SAMD3: variants seen among roughly 807,000 people sequenced by gnomAD.
SAMD3 encodes the protein sterile alpha motif domain containing 3.
A neutral mutation model predicts 58.5 loss-of-function variants in SAMD3; 63 were observed. That is an observed-to-expected ratio of 1.08 (90% CI 0.88 to 1.33). The LOEUF (loss-of-function observed/expected upper bound fraction) is 1.33, where lower values mean the gene tolerates loss of function less well. Ranked by LOEUF, SAMD3 falls within the 40% of genes most tolerant of loss-of-function variation. SAMD3 has a pLI of 0.00. For missense variants in SAMD3, 604 were observed against 608.4 expected (o/e 0.99, Z 0.08); for synonymous variants, 220 against 210.3 (o/e 1.05, Z -0.40).
At chr6:130,281,908 T>C (rs1774994750) in intron 2 of SAMD3, among the ~76,000 whole-genome samples, 1 of 151,168 alleles carries the variant, frequency 6.6e-6, no homozygotes, top group African/African-American at 2.4e-5. Flanking sequence ...TTCCCCATGT[T>C]AAGCTTATGC....
chr6:130,195,973 C>T (rs1225834367), intron 5 of SAMD3, among the ~76,000 whole-genome samples: 5 of 152,168 alleles, frequency 3.3e-5, no homozygotes, highest in African/African-American at 7.2e-5. Context: ...TTTCCCCACT[C>T]GTTTTTCTGT....
chr6:130,318,859 G>A (rs1403211552), intron 1 of SAMD3, among the ~76,000 whole-genome samples: 1 of 152,178 alleles, frequency 6.6e-6, no homozygotes, highest in East Asian at 1.9e-4. Context: ...TAAGCTTATT[G>A]ATAAGGTTGT....
At chr6:130,310,888 G>C (rs892079685) in intron 2 of SAMD3, among the ~76,000 whole-genome samples, 2 of 152,148 alleles carry the variant, frequency 1.3e-5, no homozygotes, top group African/African-American at 4.8e-5. Context: ...GCAATATGTT[G>C]GATTTAGTAG....
At chr6:130,162,076 C>G in intron 8 of SAMD3, 2 of 524,422 alleles carry the variant, frequency 3.8e-6, no homozygotes, top group East Asian at 3.1e-5. Context: ...GAGGAATCAG[C>G]GTAAATTAAC....
chr6:130,343,352 T>C (rs1005813779), intron 1 of SAMD3, among the ~76,000 whole-genome samples: 1 of 152,072 alleles, frequency 6.6e-6, no homozygotes, highest in African/African-American at 2.4e-5. Context: ...ACACACTTCA[T>C]TGCCAGTACA....
rs755389460 is a variant in SAMD3, at chr6:130,144,376, TAGAA to T, written c.*140_*143del. The T allele has an allele frequency of 3.2e-5, 22 of 690,362 alleles. No homozygotes were observed. The highest frequency in any genetic ancestry group is 1.6e-4 in the African/African-American group (9 of 55,506). The allele number at this position is 690,362 out of a possible 1,614,324, so 42.8% of individuals were successfully genotyped here. On this transcript the variant is annotated 3_prime_UTR_variant, in exon 12 of 12. Coordinates refer to ENST00000439090, the MANE Select transcript of SAMD3 (RefSeq NM_001017373.4). ...AGAACTTAATATCTAAGTGTAAAGATAGAAAGCATTGAAATTCATTAGCATCTAT... is the reference window on the plus strand; with the variant it reads ...AGAACTTAATATCTAAGTGTAAAGATAGCATTGAAATTCATTAGCATCTAT...
intron 2 of SAMD3, among the ~76,000 whole-genome samples, chr6:130,242,361 C>CA (rs1481186544): frequency 1.3e-5 from 2 of 152,184 alleles, no homozygotes; most frequent in Non-Finnish European, 2.9e-5. Context: ...ACTTTATTTA[C>CA]AAAAACAGGC....
intron 2 of SAMD3, among the ~76,000 whole-genome samples, chr6:130,312,396 C>T (rs1479579416): frequency 6.6e-6 from 1 of 152,162 alleles, no homozygotes; most frequent in Admixed American, 6.5e-5. Context: ...CTCACCGTAC[C>T]GTTACACGGT....
At chr6:130,231,709 T>G (rs1029051795) in intron 2 of SAMD3, among the ~76,000 whole-genome samples, 1 of 152,242 alleles carries the variant, frequency 6.6e-6, no homozygotes, top group Non-Finnish European at 1.5e-5. Flanking sequence ...AAAACAATGC[T>G]ATGCTGATCA....
intron 1 of SAMD3, among the ~76,000 whole-genome samples, chr6:130,222,374 A>G (rs956687472): frequency 6.6e-6 from 1 of 152,360 alleles, no homozygotes; most frequent in East Asian, 1.9e-4. Flanking sequence ...AAAATAAAAT[A>G]CTATGTAGTA....
intron 1 of SAMD3, among the ~76,000 whole-genome samples, chr6:130,331,236 A>G (rs1020250341): frequency 1.3e-5 from 2 of 152,250 alleles, no homozygotes; most frequent in Non-Finnish European, 2.9e-5. Flanking sequence ...TTGACATTCA[A>G]CATTGCTTTG....
At chr6:130,277,989 A>G (rs1774841520) in intron 2 of SAMD3, among the ~76,000 whole-genome samples, 1 of 152,200 alleles carries the variant, frequency 6.6e-6, no homozygotes, top group Admixed American at 6.5e-5. Flanking sequence ...AGTAGCCACA[A>G]GATTAGAAAT....
chr6:130,149,048 A>T (rs1932107), intron 9 of SAMD3, among the ~76,000 whole-genome samples: 56,043 of 152,112 alleles, frequency 0.37, 10,644 homozygotes, highest in East Asian at 0.53. Context: ...AGCCATACAT[A>T]AAGACTAAAA....
chr6:130,276,537 T>C (rs990103736), intron 2 of SAMD3, among the ~76,000 whole-genome samples: 1 of 152,100 alleles, frequency 6.6e-6, no homozygotes, highest in African/African-American at 2.4e-5. Flanking sequence ...CTATAATAAT[T>C]AAAGAAGTGT....
intron 2 of SAMD3, among the ~76,000 whole-genome samples, chr6:130,283,960 G>T (rs1261347985): frequency 6.6e-6 from 1 of 152,160 alleles, no homozygotes; most frequent in East Asian, 1.9e-4. Flanking sequence ...TCCTTCCTCA[G>T]CCTCCCAAGT....
At chr6:130,265,838 G>A (rs185252399) in intron 2 of SAMD3, among the ~76,000 whole-genome samples, 179 of 152,104 alleles carry the variant, frequency 1.2e-3, no homozygotes, top group African/African-American at 4.0e-3. Flanking sequence ...ATAGTAATAA[G>A]TTAGAAATAG....
chr6:130,284,808 C>A (rs1161254045), intron 2 of SAMD3, among the ~76,000 whole-genome samples: 1 of 152,076 alleles, frequency 6.6e-6, no homozygotes, highest in Non-Finnish European at 1.5e-5. Context: ...AGATTCAAGT[C>A]ACAAGGAAGT....
At chr6:130,168,444 A>C (rs1288720563) in intron 8 of SAMD3, among the ~76,000 whole-genome samples, 1 of 152,158 alleles carries the variant, frequency 6.6e-6, no homozygotes, top group Admixed American at 6.5e-5. Flanking sequence ...AAAAAAACAA[A>C]AAACAAACAA....
intron 2 of SAMD3, among the ~76,000 whole-genome samples, chr6:130,247,111 C>T (rs1024323797): frequency 6.6e-6 from 1 of 152,094 alleles, no homozygotes; most frequent in Non-Finnish European, 1.5e-5. Context: ...ACATCCTGCA[C>T]ATTAGAAATA....
Sources: gnomAD v4.1 joint callset for allele counts (sites outside exome capture counted in the v4.1 genomes callset) on GRCh38, gnomAD v4.1.1 for gene constraint, MANE v1.5 for transcripts, NCBI Gene and HGNC (gene_info 2026-07-23, HGNC 2026-07-21) for gene names.